The following EML1 variants were observed in gnomAD, a reference collection of about 807,000 sequenced individuals.
EML1 encodes the protein EMAP like 1.
Under a neutral mutation model 110.4 loss-of-function variants are expected in EML1, and 27 were observed. The observed-to-expected ratio is 0.24, with a 90% confidence interval of 0.18 to 0.34. The LOEUF is 0.34. Ranked by LOEUF, EML1 falls within the 10% of genes least tolerant of loss-of-function variation. The pLI is 1.00. For synonymous variants in EML1, 344 were observed against 385.8 expected (o/e 0.89, Z 1.27); for missense variants, 741 against 1,030.9 (o/e 0.72, Z 3.85).
intron 1 of EML1, among the ~76,000 whole-genome samples, chr14:99,817,516 C>T (rs1006422061): frequency 6.6e-6 from 1 of 152,198 alleles, no homozygotes; most frequent in African/African-American, 2.4e-5. Context: ...ATGGCTCCCG[C>T]AGCATTAGTG....
chr14:99,782,150 C>T (rs960566352), intron 1 of EML1, among the ~76,000 whole-genome samples: 10 of 152,128 alleles, frequency 6.6e-5, no homozygotes, highest in African/African-American at 2.4e-4. Flanking sequence ...CTTCCTTCCC[C>T]AACCCCTCCA....
intron 2 of EML1, among the ~76,000 whole-genome samples, chr14:99,852,954 C>G (rs1156324802): frequency 6.6e-6 from 1 of 152,162 alleles, no homozygotes; most frequent in Non-Finnish European, 1.5e-5. Flanking sequence ...TATTCTTGAC[C>G]TACCAGCTTT....
intron 1 of EML1, among the ~76,000 whole-genome samples, chr14:99,841,796 G>A (rs1371561862): frequency 6.6e-6 from 1 of 152,156 alleles, no homozygotes; most frequent in Non-Finnish European, 1.5e-5. Flanking sequence ...AGCATGTGCT[G>A]CGAGATCACA....
At chr14:99,744,592 A>G (rs1372528997) in intron 1 of EML1, among the ~76,000 whole-genome samples, 1 of 152,236 alleles carries the variant, frequency 6.6e-6, no homozygotes, top group Non-Finnish European at 1.5e-5. Context: ...TAATTATGAA[A>G]TAGAGCACAT....
chr14:99,854,162 G>A (rs371166020), intron 2 of EML1, among the ~76,000 whole-genome samples: 2 of 152,162 alleles, frequency 1.3e-5, no homozygotes, highest in African/African-American at 2.4e-5. Context: ...CGGGAAGAGC[G>A]CGTGTCTTTC....
intron 1 of EML1, among the ~76,000 whole-genome samples, chr14:99,787,657 C>T (rs1231728380): frequency 1.3e-5 from 2 of 152,138 alleles, no homozygotes; most frequent in African/African-American, 2.4e-5. Context: ...AGGCCTGAAA[C>T]AACAGGAATT....
At chr14:99,813,731 A>G (rs1316464383) in intron 1 of EML1, among the ~76,000 whole-genome samples, 3 of 152,142 alleles carry the variant, frequency 2.0e-5, no homozygotes, top group African/African-American at 4.8e-5. Context: ...TTTTTTAACT[A>G]TAGAGATGGA....
rs141048219 is a variant in EML1 at position 99,858,201 on chromosome 14, TAGGC to T, written c.250+7169_250+7172del. ...TCCTCATTCCTTTTTTTTTTTTTTT[TAGGC>T]AGAGTTTTTGCTCTTGTTGCCCAGG... On this transcript the variant is annotated intron_variant, in intron 2 of 21. Transcript: ENST00000262233. Among the ~76,000 whole-genome samples, 102 of 150,780 alleles carry T rather than the reference TAGGC, an allele frequency of 6.8e-4. 1 individual carries two copies. Among genetic ancestry groups the T allele is most frequent in the African/African-American group, 2.4e-3 (97 of 40,586 alleles).
At chr14:99,834,924 A>G (rs2139785292) in intron 1 of EML1, among the ~76,000 whole-genome samples, 1 of 152,278 alleles carries the variant, frequency 6.6e-6, no homozygotes, top group East Asian at 1.9e-4. Flanking sequence ...GCTTCAAGCA[A>G]TCCTCCCACC....
At chr14:99,892,423 AT>A (rs981015607) in intron 5 of EML1, among the ~76,000 whole-genome samples, 2 of 151,714 alleles carry the variant, frequency 1.3e-5, no homozygotes, top group African/African-American at 4.8e-5. Context: ...GACTGCAGGA[AT>A]TTTTTTTTCA....
intron 3 of EML1, among the ~76,000 whole-genome samples, chr14:99,870,737 T>C (rs1303144380): frequency 6.6e-6 from 1 of 152,194 alleles, no homozygotes; most frequent in Non-Finnish European, 1.5e-5. Flanking sequence ...ACATCTGTTG[T>C]AGCAATATGA....
chr14:99,887,256 C>T (rs535873927), intron 4 of EML1, among the ~76,000 whole-genome samples: 3 of 152,316 alleles, frequency 2.0e-5, no homozygotes, highest in Admixed American at 1.3e-4. Context: ...AGCATACAGC[C>T]GAGCTCTTTC....
At chr14:99,869,819 C>T (rs1349295836) in intron 3 of EML1, among the ~76,000 whole-genome samples, 1 of 152,164 alleles carries the variant, frequency 6.6e-6, no homozygotes, top group Non-Finnish European at 1.5e-5. Flanking sequence ...AAGAGCGTGG[C>T]ACCTCCTCCC....
rs1371022527 is a variant in EML1 at position 99,850,742 on chromosome 14, G to A, written c.68-111G>A. On this transcript the variant is annotated intron_variant, in intron 1 of 21. Transcript: ENST00000262233. ...TAAGAGCAGTATCTGTAGTCCGTAA[G>A]TGTTACTATGTTAAAACAATGGGCT... 5 of 1,138,036 alleles carry A rather than the reference G, an allele frequency of 4.4e-6. No homozygotes were observed. The East Asian group carries it at 1.2e-4, about 28-fold the overall frequency. 70.5% of individuals were successfully genotyped at this position (1,138,036 alleles called of 1,614,324 possible).
At chr14:99,838,729 G>A (rs11849597) in intron 1 of EML1, among the ~76,000 whole-genome samples, 50,287 of 151,770 alleles carry the variant, frequency 0.33, 9,108 homozygotes, top group African/African-American at 0.47. Context: ...CAAAAGGCCA[G>A]GTTTTAAAGC....
In EML1 at chr14:99,860,790, T is replaced by C. The variant is rs186952499; in HGVS notation, c.251-4724T>C. 2.4e-3 allele frequency among the ~76,000 whole-genome samples: 368 copies of C among 152,212 alleles called. 2 individuals carry two copies. Among genetic ancestry groups the C allele is most frequent in the African/African-American group, 7.8e-3 (324 of 41,550 alleles). ...TCAGTCATTCCAAGAGTAGTCAGTG[T>C]GTGTCCCCCTCCCCCTTCCCATCCC... On this transcript the variant is annotated intron_variant, in intron 2 of 21. Coordinates refer to ENST00000262233, the MANE Select transcript of EML1 (RefSeq NM_004434.3).
chr14:99,767,494 C>T (rs1190989153), intron 1 of EML1, among the ~76,000 whole-genome samples: 1 of 152,100 alleles, frequency 6.6e-6, no homozygotes, highest in Admixed American at 6.5e-5. Flanking sequence ...CCCTGCTACT[C>T]GGGAGTCTGA....
chr14:99,784,459 C>T lies in EML1; in HGVS notation c.-27+10446C>T, dbSNP rs575826735. On this transcript the variant is annotated intron_variant, in intron 1 of 22. Coordinates refer to the EML1 transcript ENST00000327921. This position sits in a 1 kb window ranked among gnomAD's most constrained non-coding sequence, Gnocchi z 4.5. ...TTTTAATTTCCCACTTCAGATACTTCAAAATATGTAAATTCTTTTGATGGA... is the reference window on the plus strand; with the variant it reads ...TTTTAATTTCCCACTTCAGATACTTTAAAATATGTAAATTCTTTTGATGGA... Among the ~76,000 whole-genome samples the T allele has an allele frequency of 2.0e-5, 3 of 152,332 alleles. No homozygotes were observed. The highest frequency in any genetic ancestry group is 4.4e-5 in the Non-Finnish European group (3 of 68,022).
intron 1 of EML1, among the ~76,000 whole-genome samples, chr14:99,802,495 G>A (rs927627252): frequency 1.3e-5 from 2 of 152,060 alleles, no homozygotes; most frequent in African/African-American, 2.4e-5. Context: ...CACCCTGGGC[G>A]GGGTGTTGGG....
Sources: allele counts gnomAD v4.1 joint callset (sites outside exome capture counted in the v4.1 genomes callset), GRCh38; gene constraint gnomAD v4.1.1; non-coding constraint Gnocchi (gnomAD v3.1); transcripts MANE v1.5; gene names NCBI Gene and HGNC (gene_info 2026-07-23, HGNC 2026-07-21).